The following KIAA2012 variants were observed in gnomAD, a reference collection of about 807,000 sequenced individuals.
KIAA2012 encodes uncharacterized protein KIAA2012.
In KIAA2012, 125 loss-of-function variants were observed where a neutral mutation model predicts 150.6. The observed-to-expected ratio is 0.83, with a 90% CI of 0.72 to 0.96. The LOEUF is 0.96. Ranked by LOEUF, KIAA2012 falls within the 40% of genes least tolerant of loss-of-function variation. The pLI is 0.00. For synonymous variants in KIAA2012, 462 were observed against 504.7 expected (o/e 0.92, Z 1.13); for missense variants, 1,219 against 1,354.9 (o/e 0.90, Z 1.57).
intron 11 of KIAA2012, among the ~76,000 whole-genome samples, chr2:202,124,459 C>T (rs1033978976): frequency 6.6e-6 from 1 of 152,010 alleles, no homozygotes; most frequent in Non-Finnish European, 1.5e-5. Context: ...GACTAGAATC[C>T]CTCCTGGCTC....
chr2:202,129,382 G>A (rs1690872141), intron 12 of KIAA2012, among the ~76,000 whole-genome samples: 1 of 151,848 alleles, frequency 6.6e-6, no homozygotes, highest in Admixed American at 6.6e-5. Context: ...ACCGCACCCG[G>A]CTAATTTTTG....
At chr2:202,099,045 A>G (rs1250266515) in intron 5 of KIAA2012, among the ~76,000 whole-genome samples, 1 of 151,998 alleles carries the variant, frequency 6.6e-6, no homozygotes, top group Non-Finnish European at 1.5e-5. Context: ...TGGAGTGCAG[A>G]GGTGCTACCA....
At chr2:202,120,648 G>A (rs569597159) in intron 11 of KIAA2012, among the ~76,000 whole-genome samples, 89 of 151,886 alleles carry the variant, frequency 5.9e-4, no homozygotes, top group Non-Finnish European at 1.1e-3. Context: ...ATTTCCTTAC[G>A]TTCCACTCAT....
intron 12 of KIAA2012, among the ~76,000 whole-genome samples, chr2:202,126,617 ATGGTGGTGGTGG>A (rs60119764): frequency 2.5e-4 from 36 of 146,220 alleles, no homozygotes; most frequent in Admixed American, 6.8e-4. Context: ...AATGATGATG[ATGGTGGTGGTGG>A]TGGTGGTGGT....
At chr2:202,126,604 A>C (rs1690795000) in intron 12 of KIAA2012, among the ~76,000 whole-genome samples, 1 of 127,730 alleles carries the variant, frequency 7.8e-6, no homozygotes, top group African/African-American at 3.1e-5. Flanking sequence ...AGCCCTCAGT[A>C]AAAATGATGA....
At chr2:202,185,995 TA>T (rs546844065) in intron 16 of KIAA2012, among the ~76,000 whole-genome samples, 1 of 151,864 alleles carries the variant, frequency 6.6e-6, no homozygotes, top group Admixed American at 6.6e-5. Context: ...CTCATTTAGC[TA>T]AAAAAAATAA....
intron 9 of KIAA2012, among the ~76,000 whole-genome samples, chr2:202,109,128 C>A (rs1389635580): frequency 6.6e-6 from 1 of 152,204 alleles, no homozygotes; most frequent in Non-Finnish European, 1.5e-5. Flanking sequence ...CTCTGCCTAG[C>A]ACAACTACTT....
chr2:202,123,908 G>C (rs1253517713), intron 11 of KIAA2012, among the ~76,000 whole-genome samples: 1 of 151,828 alleles, frequency 6.6e-6, no homozygotes, highest in South Asian at 2.1e-4. Context: ...CTTTCTTCCT[G>C]CTGGGCATGG....
At chr2:202,081,530 TTC>T (rs1404853320) in intron 2 of KIAA2012, among the ~76,000 whole-genome samples, 1 of 151,040 alleles carries the variant, frequency 6.6e-6, no homozygotes, top group East Asian at 1.9e-4. Flanking sequence ...ACTTTCTGTT[TTC>T]TTTTTAAACA....
chr2:202,130,825 G>T (rs1485242305), intron 12 of KIAA2012, among the ~76,000 whole-genome samples: 1 of 152,112 alleles, frequency 6.6e-6, no homozygotes, highest in Non-Finnish European at 1.5e-5. Flanking sequence ...GCTCAGGCAG[G>T]AGAATCACTT....
Position 202,099,805 on chromosome 2 carries a change from T to C in KIAA2012, c.1012+9T>C, listed in dbSNP as rs2350722. 814,444 of 1,543,634 alleles carry C rather than the reference T, an allele frequency of 0.53. 218,205 individuals carry two copies. The highest frequency in any genetic ancestry group is 0.59 in the African/African-American group (43,026 of 72,762). On this transcript the variant is annotated intron_variant, in intron 6 of 23. Coordinates refer to ENST00000498697, the MANE Select transcript of KIAA2012 (RefSeq NM_001277372.4). ...GAAGGCAGATCTCAGCGGTAAGAAC[T>C]CAAATGTCTTGCTCATTGATCTGGG...
intron 15 of KIAA2012, among the ~76,000 whole-genome samples, chr2:202,167,444 C>T (rs765947708): frequency 4.6e-5 from 7 of 152,202 alleles, no homozygotes; most frequent in Non-Finnish European, 8.8e-5. Context: ...CCAGCAACCA[C>T]AGTTTTGAAT....
At chr2:202,073,733 A>C in intron 1 of KIAA2012, 22 bp downstream of exon 1, 2 of 1,546,852 alleles carry the variant, frequency 1.3e-6, no homozygotes, top group Non-Finnish European at 1.7e-6. Flanking sequence ...AGCTGAAGAA[A>C]GGCACATTTT....
intron 12 of KIAA2012, among the ~76,000 whole-genome samples, chr2:202,133,150 A>G (rs1283461518): frequency 7.9e-6 from 1 of 125,998 alleles, no homozygotes; most frequent in African/African-American, 3.0e-5. Context: ...TTTCTGGAGA[A>G]TGGAGACCAC....
At chr2:202,092,173 TAC>T (rs550609362) in intron 3 of KIAA2012, among the ~76,000 whole-genome samples, 1 of 152,146 alleles carries the variant, frequency 6.6e-6, no homozygotes, top group Non-Finnish European at 1.5e-5. Context: ...TAAGGAAAGA[TAC>T]ACACACACAT....
chr2:202,192,356 A>T (rs572363353), intron 19 of KIAA2012, among the ~76,000 whole-genome samples: 2 of 152,074 alleles, frequency 1.3e-5, no homozygotes, highest in South Asian at 4.1e-4. Flanking sequence ...CTTCCTATAA[A>T]CTGAAAGAAC....
chr2:202,127,827 A>G (rs1470364799), intron 12 of KIAA2012, among the ~76,000 whole-genome samples: 1 of 152,178 alleles, frequency 6.6e-6, no homozygotes, highest in Non-Finnish European at 1.5e-5. Flanking sequence ...TACAGATAAC[A>G]TAAAATTTGT....
chr2:202,121,512 T>C (rs141583560), intron 11 of KIAA2012, among the ~76,000 whole-genome samples: 8 of 152,224 alleles, frequency 5.3e-5, no homozygotes, highest in African/African-American at 1.9e-4. Flanking sequence ...ACCTCCCATA[T>C]GCAAGGGACA....
At chr2:202,187,842 G>A (rs935378773) in intron 17 of KIAA2012, among the ~76,000 whole-genome samples, 9 of 152,136 alleles carry the variant, frequency 5.9e-5, no homozygotes. Flanking sequence ...TATCAAAGGT[G>A]AAAACTCTTT....
Sources: gnomAD v4.1 joint callset for allele counts (sites outside exome capture counted in the v4.1 genomes callset) on GRCh38, gnomAD v4.1.1 for gene constraint, MANE v1.5 for transcripts, NCBI Gene and HGNC (gene_info 2026-07-23, HGNC 2026-07-21) for gene names.